The following AUTS2 variants were observed in gnomAD, a reference collection of about 807,000 sequenced individuals.
The protein encoded by AUTS2 is activator of transcription and developmental regulator AUTS2.
In AUTS2, 17 loss-of-function variants were observed where a neutral mutation model predicts 112.4. The observed-to-expected ratio is 0.15, with a 90% CI of 0.10 to 0.23. AUTS2 has a LOEUF of 0.23. Ranked by LOEUF, AUTS2 falls within the 10% of genes least tolerant of loss-of-function variation. AUTS2 has a pLI of 1.00. For missense variants in AUTS2, 1,510 were observed against 1,701.6 expected, an observed-to-expected ratio of 0.89 and a Z score of 1.98; for synonymous variants, 751 against 702.7, an observed-to-expected ratio of 1.07 and a Z score of -1.09.
At chr7:69,705,216 A>C (rs1798011739) in intron 1 of AUTS2, among the ~76,000 whole-genome samples, 1 of 151,996 alleles carries the variant, frequency 6.6e-6, no homozygotes, top group African/African-American at 2.4e-5. Context: ...TTCTTTGCAG[A>C]CTTGGAAATG....
chr7:70,739,565 A>AT, intron 6 of AUTS2, among the ~76,000 whole-genome samples: 1 of 152,214 alleles, frequency 6.6e-6, no homozygotes, highest in African/African-American at 2.4e-5. Flanking sequence ...GTTACAGGAT[A>AT]GGAGATAGAG....
At position 70,258,532 on chromosome 7, in the gene AUTS2, C is replaced by G. The variant is rs1917120; in HGVS notation, c.660+123961C>G. ...GTTATCCAGCTTGCTGAAGAATGCACTAGATCCTTGTCCATGTGTGAGGCA... is the reference window on the plus strand; with the variant it reads ...GTTATCCAGCTTGCTGAAGAATGCAGTAGATCCTTGTCCATGTGTGAGGCA... On this transcript the variant is annotated intron_variant, in intron 4 of 18. Coordinates refer to ENST00000342771, the MANE Select transcript of AUTS2 (RefSeq NM_015570.4). Among the ~76,000 whole-genome samples, 211 of 152,322 alleles carry G rather than the reference C, an allele frequency of 1.4e-3. 1 individual carries two copies. Among genetic ancestry groups the G allele is most frequent in the African/African-American group, 4.8e-3 (198 of 41,572 alleles).
intron 6 of AUTS2, among the ~76,000 whole-genome samples, chr7:70,717,774 C>CT (rs1172817121): frequency 6.6e-6 from 1 of 152,116 alleles, no homozygotes; most frequent in Non-Finnish European, 1.5e-5. Context: ...GCGGTGCTGC[C>CT]TTTTTTGGCA....
At chr7:70,057,135 C>A (rs1234456247) in intron 2 of AUTS2, among the ~76,000 whole-genome samples, 1 of 152,084 alleles carries the variant, frequency 6.6e-6, no homozygotes, top group Non-Finnish European at 1.5e-5. Flanking sequence ...GAATCGCATA[C>A]AAAGCAGGTT....
intron 4 of AUTS2, among the ~76,000 whole-genome samples, chr7:70,343,270 T>C (rs1260058399): frequency 1.3e-5 from 2 of 151,906 alleles, no homozygotes; most frequent in Non-Finnish European, 2.9e-5. Flanking sequence ...AGGCCCATCA[T>C]GTGTGTTATG....
intron 1 of AUTS2, among the ~76,000 whole-genome samples, chr7:69,691,611 G>A (rs558378278): frequency 6.6e-6 from 1 of 152,154 alleles, no homozygotes; most frequent in Non-Finnish European, 1.5e-5. Flanking sequence ...AGGCCAGGGA[G>A]TGGGAGCATG....
At chr7:69,614,368 T>TTTTCTTTC (rs1793239736) in intron 1 of AUTS2, among the ~76,000 whole-genome samples, 4 of 19,518 alleles carry the variant, frequency 2.0e-4, no homozygotes, top group Admixed American at 5.5e-4. Flanking sequence ...TTCTTTCTTT[T>TTTTCTTTC]TTTAAGAGAT....
At chr7:69,792,547 C>T (rs545252367) in intron 1 of AUTS2, among the ~76,000 whole-genome samples, 1 of 152,192 alleles carries the variant, frequency 6.6e-6, no homozygotes, top group African/African-American at 2.4e-5. Context: ...CCAACACTTT[C>T]AGTTTTGGTT....
At chr7:70,649,985 AG>A (rs1806409173) in intron 5 of AUTS2, among the ~76,000 whole-genome samples, 2 of 152,122 alleles carry the variant, frequency 1.3e-5, no homozygotes, top group South Asian at 2.1e-4. Flanking sequence ...CAACCATGGC[AG>A]GGGGGCGGGT....
intron 5 of AUTS2, among the ~76,000 whole-genome samples, chr7:70,639,510 G>C (rs1445874188): frequency 6.6e-6 from 1 of 150,928 alleles, no homozygotes; most frequent in Non-Finnish European, 1.5e-5. Flanking sequence ...CAGCTACTGG[G>C]GGGGTGGTGA....
intron 6 of AUTS2, among the ~76,000 whole-genome samples, chr7:70,750,057 G>A (rs1177787415): frequency 6.6e-6 from 1 of 152,150 alleles, no homozygotes; most frequent in Non-Finnish European, 1.5e-5. Flanking sequence ...TGAGCTTAGG[G>A]CCAGAGTGGT....
At chr7:70,699,924 C>A (rs2036229610) in intron 6 of AUTS2, among the ~76,000 whole-genome samples, 1 of 152,146 alleles carries the variant, frequency 6.6e-6, no homozygotes, top group Admixed American at 6.5e-5. Context: ...TCACCAAAGG[C>A]AGGGCTTCTT....
At chr7:70,342,962 T>A (rs1213825517) in intron 4 of AUTS2, among the ~76,000 whole-genome samples, 1 of 152,194 alleles carries the variant, frequency 6.6e-6, no homozygotes, top group Non-Finnish European at 1.5e-5. Context: ...AATACAGGAT[T>A]GTTTCTAAGA....
intron 5 of AUTS2, among the ~76,000 whole-genome samples, chr7:70,696,609 T>G (rs1345276592): frequency 2.6e-5 from 4 of 152,200 alleles, no homozygotes; most frequent in Non-Finnish European, 5.9e-5. Flanking sequence ...GAATCCCATG[T>G]GGAGCTGACA....
chr7:70,504,721 G>A (rs966057139), intron 5 of AUTS2, among the ~76,000 whole-genome samples: 2 of 152,086 alleles, frequency 1.3e-5, no homozygotes, highest in South Asian at 2.1e-4. Context: ...TGGTATCCAC[G>A]TTTCTGTAAT....
intron 1 of AUTS2, among the ~76,000 whole-genome samples, chr7:69,626,644 A>G (rs1343909224): frequency 7.9e-5 from 12 of 152,214 alleles, no homozygotes; most frequent in Admixed American, 7.9e-4. Flanking sequence ...TCAAAGTATC[A>G]AGTGAACAAG....
At chr7:70,132,426 C>T (rs949110278) in intron 3 of AUTS2, among the ~76,000 whole-genome samples, 10 of 152,014 alleles carry the variant, frequency 6.6e-5, no homozygotes, top group South Asian at 2.1e-4. Flanking sequence ...AAATTCATGT[C>T]GTAATTAAAG....
chr7:70,325,126 G>T (rs1312751869), intron 4 of AUTS2, among the ~76,000 whole-genome samples: 4 of 152,124 alleles, frequency 2.6e-5, no homozygotes, highest in African/African-American at 9.6e-5. Flanking sequence ...GCTGGAAGGA[G>T]TGAGGTTTCT....
At chr7:70,730,804 G>A (rs1787341225) in intron 6 of AUTS2, among the ~76,000 whole-genome samples, 1 of 152,172 alleles carries the variant, frequency 6.6e-6, no homozygotes, top group East Asian at 1.9e-4. Flanking sequence ...TAGCTCTATG[G>A]TTAGCCTTTT....
Sources: allele counts gnomAD v4.1 joint callset (sites outside exome capture counted in the v4.1 genomes callset), GRCh38; gene constraint gnomAD v4.1.1; transcripts MANE v1.5; gene names NCBI Gene and HGNC (gene_info 2026-07-23, HGNC 2026-07-21).